Variants in PTPN4 observed in about 807,000 individuals in gnomAD.
The protein encoded by PTPN4 is protein tyrosine phosphatase non-receptor type 4.
Under a neutral mutation model 135.5 loss-of-function variants are expected in PTPN4, and 49 were observed. The ratio of observed to expected loss-of-function variants is 0.36; its 90% CI spans 0.29 to 0.46. The LOEUF is 0.46. PTPN4 is among the 20% of genes least tolerant of loss of function. The pLI, the probability that PTPN4 is intolerant of heterozygous loss-of-function variation, is 1.00. For synonymous variants in PTPN4, 333 were observed against 369.9 expected (o/e 0.90, Z 1.14); for missense variants, 860 against 1,101.0 (o/e 0.78, Z 3.10).
intron 11 of PTPN4, chr2:119,916,558 T>C (rs1009141463): frequency 6.6e-6 from 1 of 152,114 alleles, no homozygotes; most frequent in Non-Finnish European, 1.5e-5. Flanking sequence ...AGTGAACATA[T>C]CCATATCAGC....
chr2:119,828,500 T>C (rs915014646), intron 2 of PTPN4, among the ~76,000 whole-genome samples: 1 of 152,238 alleles, frequency 6.6e-6, no homozygotes, highest in Non-Finnish European at 1.5e-5. Flanking sequence ...CTACTATGAA[T>C]ACTGTAGCTC....
intron 2 of PTPN4, among the ~76,000 whole-genome samples, chr2:119,850,035 C>G (rs1677568151): frequency 6.6e-6 from 1 of 152,204 alleles, no homozygotes; most frequent in Admixed American, 6.5e-5. Flanking sequence ...ATTTGTCTTA[C>G]CTGCTTATCG....
chr2:119,803,057 G>A (rs189580180), intron 1 of PTPN4, among the ~76,000 whole-genome samples: 5 of 152,126 alleles, frequency 3.3e-5, no homozygotes, highest in Admixed American at 3.3e-4. Context: ...CATTCCTAAT[G>A]TTAGCAATTT....
chr2:119,966,452 T>G (rs1679447136), intron 25 of PTPN4, among the ~76,000 whole-genome samples: 1 of 152,094 alleles, frequency 6.6e-6, no homozygotes, highest in Admixed American at 6.5e-5. Context: ...AAGATGGGTT[T>G]TTGCCACGTT....
chr2:119,775,578 T>A (rs890951332), intron 1 of PTPN4, among the ~76,000 whole-genome samples: 1 of 152,208 alleles, frequency 6.6e-6, no homozygotes, highest in African/African-American at 2.4e-5. Context: ...CATGATACTC[T>A]ATGGAAAGGA....
rs1042912089 is a variant in PTPN4, at chr2:119,878,529, G to A, written c.368+987G>A. ...TGGTTATCATTTAGGATACTGTCTT[G>A]GAGTAGAGAAACAAAAGGATAAATT... is the stretch of plus-strand genomic sequence containing the variant. On this transcript the variant is annotated intron_variant, in intron 5 of 26. Transcript: ENST00000263708. Among the ~76,000 whole-genome samples, 4 of 152,078 alleles carry A rather than the reference G, an allele frequency of 2.6e-5. No homozygotes were observed. The East Asian group carries it at 7.7e-4, about 29-fold the overall frequency.
At chr2:119,933,384 A>G (rs1678933879) in intron 14 of PTPN4, among the ~76,000 whole-genome samples, 1 of 152,144 alleles carries the variant, frequency 6.6e-6, no homozygotes, top group South Asian at 2.1e-4. Context: ...AATTTGTATA[A>G]AATTCTAAAC....
chr2:119,907,663 A>G (rs1381142272), intron 10 of PTPN4, among the ~76,000 whole-genome samples: 5 of 152,146 alleles, frequency 3.3e-5, no homozygotes, highest in Non-Finnish European at 7.4e-5. Flanking sequence ...AGCCAAAACA[A>G]TACTGAGTCA....
intron 10 of PTPN4, among the ~76,000 whole-genome samples, chr2:119,911,885 A>AT (rs1678576895): frequency 6.6e-6 from 1 of 152,174 alleles, no homozygotes; most frequent in Non-Finnish European, 1.5e-5. Context: ...AAAGTTAGAA[A>AT]TATGTCTACC....
At chr2:119,944,266 C>T (rs72840415) in intron 15 of PTPN4, among the ~76,000 whole-genome samples, 3,221 of 152,202 alleles carry the variant, frequency 0.021, 60 homozygotes, top group Non-Finnish European at 0.033. Context: ...AACAATTTTC[C>T]GCTTACCTAT....
At chr2:119,853,015 TA>T (rs1677616227) in intron 2 of PTPN4, among the ~76,000 whole-genome samples, 1 of 152,228 alleles carries the variant, frequency 6.6e-6, no homozygotes, top group Non-Finnish European at 1.5e-5. Context: ...ATTCTGAATT[TA>T]GTAAGGTTTG....
At chr2:119,866,864 T>C (rs1194079030) in intron 3 of PTPN4, among the ~76,000 whole-genome samples, 1 of 152,152 alleles carries the variant, frequency 6.6e-6, no homozygotes, top group Non-Finnish European at 1.5e-5. Context: ...ATGTTTCCAC[T>C]GTAATATCTT....
rs144582167 is a variant in PTPN4, at chr2:119,843,121, T to G, written c.139-19415T>G. On this transcript the variant is annotated intron_variant, in intron 2 of 26. Coordinates refer to ENST00000263708, the MANE Select transcript of PTPN4 (RefSeq NM_002830.4). ...TTCATTAGCCTGTTACTATAGTGGA[T>G]TACCACAAACAAATAAATTTTAAAC... Among the ~76,000 whole-genome samples, 133 of 152,306 alleles carry G rather than the reference T, an allele frequency of 8.7e-4. No homozygotes were observed. In the East Asian group the frequency reaches 0.02, roughly 23 times the overall value.
At chr2:119,875,325 T>C (rs1031946115) in intron 3 of PTPN4, among the ~76,000 whole-genome samples, 4 of 152,210 alleles carry the variant, frequency 2.6e-5, no homozygotes, top group Non-Finnish European at 5.9e-5. Context: ...TGCTTATCTT[T>C]GTACTTCTAA....
intron 1 of PTPN4, among the ~76,000 whole-genome samples, chr2:119,791,696 C>G (rs1490392220): frequency 1.3e-5 from 2 of 152,076 alleles, no homozygotes; most frequent in Admixed American, 1.3e-4. Context: ...GAGTTACTTT[C>G]TTTTTGCGCT....
chr2:119,920,640 A>G (rs1678723704), intron 12 of PTPN4, among the ~76,000 whole-genome samples: 1 of 152,208 alleles, frequency 6.6e-6, no homozygotes, highest in South Asian at 2.1e-4. Flanking sequence ...AGAATTTAGC[A>G]TATTTTTGGG....
At chr2:119,765,200 A>G (rs897065046) in intron 1 of PTPN4, among the ~76,000 whole-genome samples, 43 of 152,282 alleles carry the variant, frequency 2.8e-4, no homozygotes, top group African/African-American at 1.0e-3. Flanking sequence ...GATAGTTGGT[A>G]TTATTTTTTC....
intron 2 of PTPN4, among the ~76,000 whole-genome samples, chr2:119,831,887 T>G (rs1018856407): frequency 6.6e-6 from 1 of 152,246 alleles, no homozygotes; most frequent in Non-Finnish European, 1.5e-5. Flanking sequence ...ATCATCATAC[T>G]AGAACCACTT....
intron 1 of PTPN4, among the ~76,000 whole-genome samples, chr2:119,793,938 C>T (rs1434198840): frequency 1.4e-5 from 2 of 144,180 alleles, no homozygotes; most frequent in African/African-American, 5.1e-5. Context: ...TCACAGCAGC[C>T]TCGAACTCCT....
Sources: gnomAD v4.1 joint callset for allele counts (sites outside exome capture counted in the v4.1 genomes callset) on GRCh38, gnomAD v4.1.1 for gene constraint, MANE v1.5 for transcripts, NCBI Gene and HGNC (gene_info 2026-07-23, HGNC 2026-07-21) for gene names.